Variants in FAM13C observed in about 807,000 individuals in gnomAD.
FAM13C encodes family with sequence similarity 13 member C.
In FAM13C, 37 loss-of-function variants were observed where a neutral mutation model predicts 73.2. The observed-to-expected ratio is 0.51, with a 90% CI of 0.39 to 0.67. The LOEUF (loss-of-function observed/expected upper bound fraction) is 0.67. FAM13C is among the 30% of genes least tolerant of loss of function. The pLI, the probability that FAM13C is intolerant of heterozygous loss-of-function variation, is 0.00. For missense variants in FAM13C, 589 were observed against 715.6 expected (o/e 0.82, Z 2.02); for synonymous variants, 246 against 260.9 (o/e 0.94, Z 0.55).
Position 59,312,106 on chromosome 10 carries a change from G to A in FAM13C, c.444-9242C>T, listed in dbSNP as rs74782205. The stretch of plus-strand genomic sequence containing the variant: ...GTGAAGGGCACAGAGTGTCACAAGT[G>A]ATGGGCTGGGGGGTGGGGGTGCGGA... On this transcript the variant is annotated intron_variant, in intron 4 of 13. Coordinates refer to ENST00000618804, the MANE Select transcript of FAM13C (RefSeq NM_198215.4). Among the ~76,000 whole-genome samples, 349 of 151,728 alleles carry A rather than the reference G, an allele frequency of 2.3e-3. 2 individuals carry two copies. The highest frequency in any genetic ancestry group is 3.7e-3 in the Non-Finnish European group (248 of 67,908).
rs552793986 is a variant in FAM13C, at chr10:59,252,112, A to T, written c.1533-436T>A. Among the ~76,000 whole-genome samples the T allele has an allele frequency of 1.6e-4, 24 of 152,222 alleles. No individual in the cohort carries two copies. In the South Asian group the frequency reaches 5.0e-3, roughly 32 times the overall value. On this transcript the variant is annotated intron_variant, in intron 12 of 13. Transcript: ENST00000618804. ...GTGGGAATATTGGGAGAATAGCAAAACCCTTGTGAATGAAAATAAGACCCA... is the reference window on the plus strand; with the variant it reads ...GTGGGAATATTGGGAGAATAGCAAATCCCTTGTGAATGAAAATAAGACCCA...
At position 59,359,968 on chromosome 10, in the gene FAM13C, C is replaced by T. The variant is rs147219075; in HGVS notation, c.62+2431G>A. On this transcript the variant is annotated intron_variant, in intron 1 of 13. Coordinates refer to ENST00000618804, the MANE Select transcript of FAM13C (RefSeq NM_198215.4). ...TGGAAAAATATTAGATGAAAAGGTG[C>T]CACAGATAGGGAAGAAAAGGCCAAG... is the stretch of plus-strand genomic sequence containing the variant. Among the ~76,000 whole-genome samples the T allele has an allele frequency of 2.2e-3, 334 of 152,270 alleles. 1 individual carries two copies. The highest frequency in any genetic ancestry group is 7.7e-3 in the African/African-American group (319 of 41,554).
At chr10:59,286,566 T>C (rs1353518536) in intron 5 of FAM13C, among the ~76,000 whole-genome samples, 3 of 142,132 alleles carry the variant, frequency 2.1e-5, no homozygotes, top group Non-Finnish European at 4.6e-5. Context: ...AGTAGAATGG[T>C]GGTTATCAAG....
chr10:59,316,478 T>C (rs1589580827), intron 4 of FAM13C, among the ~76,000 whole-genome samples: 1 of 152,308 alleles, frequency 6.6e-6, no homozygotes, highest in Non-Finnish European at 1.5e-5. Context: ...AATAGAGTCA[T>C]GTATCCCTTA....
At chr10:59,272,625 G>A (rs1843842871) in intron 6 of FAM13C, among the ~76,000 whole-genome samples, 1 of 152,206 alleles carries the variant, frequency 6.6e-6, no homozygotes, top group Admixed American at 6.5e-5. Context: ...ATCCTGCGAT[G>A]CAGTATGTTT....
chr10:59,304,639 A>G (rs1012440538), intron 4 of FAM13C, among the ~76,000 whole-genome samples: 1 of 151,864 alleles, frequency 6.6e-6, no homozygotes, highest in African/African-American at 2.4e-5. Context: ...AGGAAAAAAT[A>G]ACTAATGGGT....
At chr10:59,315,965 A>G (rs936340537) in intron 4 of FAM13C, among the ~76,000 whole-genome samples, 1 of 152,140 alleles carries the variant, frequency 6.6e-6, no homozygotes, top group African/African-American at 2.4e-5. Flanking sequence ...GGTCTCACTC[A>G]GTCATCCAGG....
intron 5 of FAM13C, among the ~76,000 whole-genome samples, chr10:59,288,257 C>T (rs559609727): frequency 1.1e-4 from 16 of 152,114 alleles, no homozygotes; most frequent in Non-Finnish European, 2.1e-4. Context: ...TTTGGGAGGC[C>T]GAGGTGGGTG....
At chr10:59,265,312 GGGGTTTT>G (rs1451358735) in intron 8 of FAM13C, among the ~76,000 whole-genome samples, 4 of 80,118 alleles carry the variant, frequency 5.0e-5, no homozygotes, top group African/African-American at 1.1e-4. Context: ...GGATAGGGAA[GGGGTTTT>G]GGCGGGGGGG....
At chr10:59,285,494 G>A (rs1845446939) in intron 5 of FAM13C, among the ~76,000 whole-genome samples, 1 of 152,166 alleles carries the variant, frequency 6.6e-6, no homozygotes, top group Non-Finnish European at 1.5e-5. Flanking sequence ...ATAATGCCAT[G>A]GGAATGCAAA....
chr10:59,258,690 G>T (rs915096534), intron 10 of FAM13C, among the ~76,000 whole-genome samples: 1 of 151,966 alleles, frequency 6.6e-6, no homozygotes, highest in African/African-American at 2.4e-5. Flanking sequence ...ATGTGAGAAA[G>T]TATTATCTAT....
intron 8 of FAM13C, among the ~76,000 whole-genome samples, chr10:59,266,044 T>C (rs1843024693): frequency 6.6e-6 from 1 of 152,194 alleles, no homozygotes; most frequent in Admixed American, 6.5e-5. Flanking sequence ...AAAGACACAT[T>C]AGAAAAATTA....
At chr10:59,315,531 A>T (rs2133963333) in intron 4 of FAM13C, among the ~76,000 whole-genome samples, 1 of 152,210 alleles carries the variant, frequency 6.6e-6, no homozygotes, top group South Asian at 2.1e-4. Context: ...TGTGATTATT[A>T]CAGAAGCTGG....
intron 4 of FAM13C, among the ~76,000 whole-genome samples, chr10:59,304,257 A>C (rs994873403): frequency 1.3e-5 from 2 of 152,084 alleles, no homozygotes; most frequent in Non-Finnish European, 2.9e-5. Flanking sequence ...TGGATATCAG[A>C]CCTTTGAGGG....
chr10:59,347,623 A>G (rs1854484600), intron 3 of FAM13C, among the ~76,000 whole-genome samples: 1 of 151,950 alleles, frequency 6.6e-6, no homozygotes, highest in South Asian at 2.1e-4. Flanking sequence ...GTCTTGCTGC[A>G]CCCATCAACC....
At chr10:59,296,094 G>A (rs1226358152) in intron 5 of FAM13C, among the ~76,000 whole-genome samples, 3 of 152,126 alleles carry the variant, frequency 2.0e-5, no homozygotes, top group African/African-American at 4.8e-5. Flanking sequence ...CATTCAGTCA[G>A]CTCAAGAATG....
chr10:59,262,658 C>A lies in FAM13C; in HGVS notation c.1025-13G>T, dbSNP rs1842626866. On this transcript the variant is annotated splice_polypyrimidine_tract_variant and intron_variant, in intron 9 of 13. Transcript: ENST00000618804. Reference sequence around the variant, plus strand: ...TTTAGCTTTAGTTCTAAGAGAAATGCTATGAGTTATCATAAGCAAAGAGAA... The same window carrying A: ...TTTAGCTTTAGTTCTAAGAGAAATGATATGAGTTATCATAAGCAAAGAGAA... The A allele has an allele frequency of 1.9e-6, 3 of 1,608,786 alleles. No homozygotes were observed. In the East Asian group the frequency reaches 6.7e-5, roughly 36 times the overall value.
chr10:59,358,528 T>A (rs186887815), intron 1 of FAM13C, among the ~76,000 whole-genome samples: 7 of 152,322 alleles, frequency 4.6e-5, no homozygotes, highest in Admixed American at 4.6e-4. Context: ...CACCTGAGCT[T>A]TGTAATGTGG....
intron 6 of FAM13C, among the ~76,000 whole-genome samples, chr10:59,274,666 G>T (rs769441209): frequency 6.6e-6 from 1 of 152,154 alleles, no homozygotes; most frequent in African/African-American, 2.4e-5. Context: ...CCAGATTCTC[G>T]TCCCAGTTTT....
Sources: allele counts gnomAD v4.1 joint callset (sites outside exome capture counted in the v4.1 genomes callset), GRCh38; gene constraint gnomAD v4.1.1; transcripts MANE v1.5; gene names NCBI Gene and HGNC (gene_info 2026-07-23, HGNC 2026-07-21).